The following TMEM258 variants were observed in gnomAD, a reference collection of about 807,000 sequenced individuals.
TMEM258 encodes transmembrane protein 258, also known as dolichyl-diphosphooligosaccharide--protein glycosyltransferase subunit TMEM258.
A neutral mutation model predicts 9.9 loss-of-function variants in TMEM258; 11 were observed. That is an observed-to-expected ratio of 1.11 (90% confidence interval 0.70 to 1.85). TMEM258 has a LOEUF of 1.85. Ranked by LOEUF, TMEM258 falls within the 40% of genes most tolerant of loss-of-function variation. The pLI is 0.00. For synonymous variants in TMEM258, 40 were observed against 39.1 expected (o/e 1.02, Z -0.09); for missense variants, 81 against 99.7 (o/e 0.81, Z 0.80).
In TMEM258 at chr11:61,790,508, G is replaced by A. The variant is rs776947050; in HGVS notation, c.98C>T (p.Thr33Ile). The stretch of plus-strand genomic sequence containing the variant: ...GAAAGGATACACGAAGAACCAGGCG[G>A]TGAAGAACATGCCAATGGCCAAAAG... ...VVLLAIGMFF[T>I]AWFFVYEVTS... The change falls in exon 2 of 4, where the codon ACC becomes ATC. Residue 33 changes from threonine (T) to isoleucine (I), a missense_variant. Transcript: ENST00000537328. 2.5e-6 allele frequency: 4 copies of A among 1,613,976 alleles called. No homozygotes were observed. In the South Asian group the frequency reaches 4.4e-5, roughly 18 times the overall value.
intron 1 of TMEM258, chr11:61,791,965 A>G (rs2066787776): frequency 6.5e-6 from 1 of 152,936 alleles, no homozygotes. Flanking sequence ...TCAGTAAACA[A>G]TCACGGCCCC....
chr11:61,791,592 A>G (rs972664064), intron 1 of TMEM258: 1 of 152,104 alleles, frequency 6.6e-6, no homozygotes, highest in Non-Finnish European at 1.5e-5. Context: ...TTTCCTCACT[A>G]CCTATGCTAT....
chr11:61,791,584 TC>T (rs1565314375), intron 1 of TMEM258: 2 of 152,356 alleles, frequency 1.3e-5, no homozygotes, highest in East Asian at 3.9e-4. Context: ...TTCAGTATTT[TC>T]CTCACTACCT....
intron 2 of TMEM258, 85 bp from the exon 3 acceptor site, chr11:61,790,006 T>A: frequency 6.6e-7 from 1 of 1,507,472 alleles, no homozygotes; most frequent in Non-Finnish European, 8.9e-7. Context: ...GAGAAAAGCA[T>A]TGGCTCAATG....
At position 61,789,135 on chromosome 11, in the gene TMEM258, T is replaced by A. The variant is rs559363769; in HGVS notation, c.*111A>T. 6.5e-6 allele frequency: 1 copy of A among 152,956 alleles called. No homozygotes were observed. The highest frequency in any genetic ancestry group is 6.5e-5 in the Admixed American group (1 of 15,314). The allele number at this position is 152,956 out of a possible 1,614,324, so 9.5% of individuals were successfully genotyped here. A position where few individuals can be genotyped will look rare whatever the true frequency, so the allele number is the denominator to read the frequency against. ...GAATGGGCCCCAGACAGGACTGCTA[T>A]ACATCTGCATTTATTATGAGCAGCA... is the stretch of plus-strand genomic sequence containing the variant. On this transcript the variant is annotated 3_prime_UTR_variant, in exon 4 of 4. Transcript: ENST00000537328.
intron 1 of TMEM258, among the ~76,000 whole-genome samples, chr11:61,791,103 G>C (rs1161152191): frequency 6.6e-6 from 1 of 151,934 alleles, no homozygotes; most frequent in African/African-American, 2.4e-5. Context: ...AGGATTACAG[G>C]TGCGCACCAC....
intron 1 of TMEM258, among the ~76,000 whole-genome samples, chr11:61,791,159 C>T (rs990690065): frequency 1.3e-5 from 2 of 152,106 alleles, no homozygotes; most frequent in Admixed American, 6.6e-5. Flanking sequence ...TTTTGCCATG[C>T]TGGCCAGGAT....
intron 2 of TMEM258, 68 bp downstream of exon 2, chr11:61,790,425 A>T: frequency 7.2e-7 from 1 of 1,389,756 alleles, no homozygotes; most frequent in Non-Finnish European, 1.0e-6. Context: ...CCATGTACCT[A>T]GCGTGGTTTC....
At chr11:61,791,472 C>T (rs2066784396) in intron 1 of TMEM258, 1 of 152,116 alleles carries the variant, frequency 6.6e-6, no homozygotes, top group South Asian at 2.1e-4. Flanking sequence ...CCTTGCTGGC[C>T]AGGCTGGTCT....
chr11:61,792,585 C>T lies in TMEM258; in HGVS notation c.-27G>A, dbSNP rs1241300729. 3.1e-6 allele frequency: 5 copies of T among 1,613,604 alleles called. No individual in the cohort carries two copies. In the African/African-American group the frequency reaches 5.3e-5, roughly 17 times the overall value. On this transcript the variant is annotated 5_prime_UTR_variant, in exon 1 of 4. Transcript: ENST00000537328. ...TTGCCCCGCGAAGGCTAATCCGCCG[C>T]TCCGCCACCGGAAGAACACGTCGGC...
At chr11:61,790,685 G>T in intron 1 of TMEM258, 83 bp from the exon 2 acceptor site, 1 of 1,212,710 alleles carries the variant, frequency 8.2e-7, no homozygotes, top group Non-Finnish European at 1.2e-6. Flanking sequence ...AAGGAGCCTG[G>T]TGCTGCCGTG....
intron 1 of TMEM258, chr11:61,791,740 G>C (rs1283889429): frequency 6.6e-6 from 1 of 152,194 alleles, no homozygotes; most frequent in Non-Finnish European, 1.5e-5. Context: ...CTAGTGCCTA[G>C]CAGGGAGTAT....
chr11:61,792,374 G>C, intron 1 of TMEM258, 182 bp downstream of exon 1: 2 of 759,482 alleles, frequency 2.6e-6, no homozygotes, highest in Non-Finnish European at 4.3e-6. Flanking sequence ...GAAATCGCGA[G>C]CTGAGAAACC....
rs370899999 is a variant in TMEM258, at chr11:61,792,581, G to A, written c.-23C>T. ...CATTTTGCCCCGCGAAGGCTAATCC[G>A]CCGCTCCGCCACCGGAAGAACACGT... On this transcript the variant is annotated 5_prime_UTR_variant, in exon 1 of 4. Coordinates refer to ENST00000537328, the MANE Select transcript of TMEM258 (RefSeq NM_014206.4). 1.2e-6 allele frequency: 2 copies of A among 1,613,516 alleles called. No individual in the cohort carries two copies. Among genetic ancestry groups the A allele is most frequent in the Non-Finnish European group, 1.7e-6 (2 of 1,179,974 alleles).
chr11:61,790,418 T>A (rs755396860), intron 2 of TMEM258, 75 bp downstream of exon 2: 1 of 1,339,314 alleles, frequency 7.5e-7, no homozygotes, highest in Non-Finnish European at 1.1e-6. Flanking sequence ...GCGGGGTCCA[T>A]GTACCTAGCG....
At chr11:61,791,610 T>G (rs1248472280) in intron 1 of TMEM258, 1 of 152,228 alleles carries the variant, frequency 6.6e-6, no homozygotes, top group Admixed American at 6.5e-5. Flanking sequence ...TATTATGGAA[T>G]CTTGTGAGCT....
At chr11:61,790,094 G>A in intron 2 of TMEM258, 173 bp from the exon 3 acceptor site, 2 of 768,928 alleles carry the variant, frequency 2.6e-6, no homozygotes, top group South Asian at 3.9e-5. Flanking sequence ...GTGCTCCACT[G>A]CCATGAAGAA....
chr11:61,791,455 G>C (rs1411069446), intron 1 of TMEM258: 1 of 151,966 alleles, frequency 6.6e-6, no homozygotes, highest in African/African-American at 2.4e-5. Context: ...GGAGAGACAG[G>C]GTTTCACCTT....
intron 3 of TMEM258, 143 bp downstream of exon 3, chr11:61,789,642 C>T (rs1249491433): frequency 1.1e-6 from 1 of 947,930 alleles, no homozygotes; most frequent in African/African-American, 1.7e-5. Flanking sequence ...GTCTAGTGTC[C>T]CTACCCATTC....
Sources: allele counts gnomAD v4.1 joint callset (sites outside exome capture counted in the v4.1 genomes callset), GRCh38; gene constraint gnomAD v4.1.1; transcripts MANE v1.5; gene names NCBI Gene and HGNC (gene_info 2026-07-23, HGNC 2026-07-21).